COMMD1: variants seen among roughly 807,000 people sequenced by gnomAD.
COMMD1 encodes the protein copper metabolism domain containing 1.
Under a neutral mutation model 17.2 loss-of-function variants are expected in COMMD1, and 10 were observed. The observed-to-expected ratio is 0.58, with a 90% confidence interval of 0.36 to 0.99. COMMD1 has a LOEUF of 0.99. Among genes scored for constraint, COMMD1 ranks in the 50% least tolerant of loss-of-function variants. The probability of loss-of-function intolerance (pLI) is 0.01; values close to 1 mark genes in which losing one functional copy is unlikely to be tolerated. For synonymous variants in COMMD1, 97 were observed against 91.6 expected, an observed-to-expected ratio of 1.06 and a Z score of -0.34; for missense variants, 270 against 231.8, an observed-to-expected ratio of 1.17 and a Z score of -1.07.
chr2:62,048,182 C>CTTTTTTTTT (rs67195629), intron 2 of COMMD1, among the ~76,000 whole-genome samples: 2 of 127,252 alleles, frequency 1.6e-5, no homozygotes, highest in African/African-American at 3.0e-5. Context: ...AACTAAATTT[C>CTTTTTTTTT]TTTTTTTTTT....
intron 1 of COMMD1, among the ~76,000 whole-genome samples, chr2:61,955,509 G>C (rs1671175422): frequency 6.6e-6 from 1 of 152,034 alleles, no homozygotes. Flanking sequence ...CCTTTTATTG[G>C]TTGTGCTTTC....
At position 61,905,846 on chromosome 2, in the gene COMMD1, G is replaced by A. The variant is rs139710493; in HGVS notation, c.168G>A (p.Arg56=). The A allele has an allele frequency of 5.6e-5, 90 of 1,614,076 alleles. No individual in the cohort carries two copies. In the African/African-American group the frequency reaches 1.1e-3, roughly 19 times the overall value. ...EEFRPFLAKM[R]GILKSIASAD... is the part of the protein sequence containing the mutation. ...TCCGCCCCTTTCTGGCAAAGATGAGGGGGATTCTTAAGGTACTGCTCTTTT... is the reference window on the plus strand; with the variant it reads ...TCCGCCCCTTTCTGGCAAAGATGAGAGGGATTCTTAAGGTACTGCTCTTTT... Residue 56 remains arginine (R), a synonymous_variant, in exon 1 of 3, where the codon AGG becomes AGA. Coordinates refer to ENST00000311832, the MANE Select transcript of COMMD1 (RefSeq NM_152516.4).
At chr2:62,053,045 A>T (rs984183754) in intron 2 of COMMD1, among the ~76,000 whole-genome samples, 8 of 152,138 alleles carry the variant, frequency 5.3e-5, no homozygotes, top group African/African-American at 1.9e-4. Context: ...ACACCACTGC[A>T]CTCCAGCCTA....
intron 1 of COMMD1, among the ~76,000 whole-genome samples, chr2:61,963,570 C>G (rs1281626665): frequency 2.0e-5 from 3 of 152,128 alleles, no homozygotes; most frequent in Non-Finnish European, 2.9e-5. Context: ...TCTTGAACTC[C>G]TGACCTCAGG....
chr2:62,045,632 C>A (rs1236449948), intron 2 of COMMD1, among the ~76,000 whole-genome samples: 1 of 148,020 alleles, frequency 6.8e-6, no homozygotes, highest in Non-Finnish European at 1.5e-5. Flanking sequence ...AAACTCCCGA[C>A]CTCAAGGGAT....
At chr2:61,911,927 T>A (rs545655982) in intron 1 of COMMD1, among the ~76,000 whole-genome samples, 3 of 152,314 alleles carry the variant, frequency 2.0e-5, no homozygotes, top group Admixed American at 6.5e-5. Flanking sequence ...TATTTAATCA[T>A]GTGAAGTGTT....
chr2:61,997,893 C>G (rs1668808910), intron 1 of COMMD1, among the ~76,000 whole-genome samples: 1 of 152,164 alleles, frequency 6.6e-6, no homozygotes, highest in Non-Finnish European at 1.5e-5. Context: ...GTATCTTTTT[C>G]CGATATATGG....
At chr2:62,132,559 T>C (rs533341702) in intron 2 of COMMD1, among the ~76,000 whole-genome samples, 76 of 152,208 alleles carry the variant, frequency 5.0e-4, no homozygotes, top group African/African-American at 1.8e-3. Flanking sequence ...TTAAAAATTG[T>C]TTTAGGTCAG....
At chr2:62,131,879 AACAC>A (rs749225382) in intron 2 of COMMD1, among the ~76,000 whole-genome samples, 1 of 139,498 alleles carries the variant, frequency 7.2e-6, no homozygotes, top group Non-Finnish European at 1.5e-5. Context: ...CACACACACA[AACAC>A]ACACACACAC....
Position 61,967,232 on chromosome 2 carries a change from C to T in COMMD1, c.181-33469C>T, listed in dbSNP as rs1425094938. ...GTGCTTCTTACATTTAAGAAGCAGT[C>T]TGTTGAGGACCAGTTTTGTTTTTTA... On this transcript the variant is annotated intron_variant, in intron 1 of 2. Coordinates refer to ENST00000311832, the MANE Select transcript of COMMD1 (RefSeq NM_152516.4). Among the ~76,000 whole-genome samples the T allele has an allele frequency of 2.0e-5, 3 of 152,158 alleles. No individual in the cohort carries two copies. In the South Asian group the frequency reaches 6.2e-4, roughly 31 times the overall value.
At chr2:61,968,922 T>A (rs1671573293) in intron 1 of COMMD1, 2 of 277,104 alleles carry the variant, frequency 7.2e-6, no homozygotes, top group Non-Finnish European at 1.5e-5. Flanking sequence ...CGAAACCAGT[T>A]TCAAGGGAAA....
intron 2 of COMMD1, among the ~76,000 whole-genome samples, chr2:62,058,066 A>G (rs990581040): frequency 6.6e-6 from 1 of 152,166 alleles, no homozygotes; most frequent in African/African-American, 2.4e-5. Context: ...CATTATGCTC[A>G]GAGAACATAC....
intron 1 of COMMD1, among the ~76,000 whole-genome samples, chr2:61,944,394 TGAGCCATGATGGTGTCAGAG>T (rs1208791336): frequency 6.6e-6 from 1 of 151,754 alleles, no homozygotes; most frequent in Non-Finnish European, 1.5e-5. Flanking sequence ...GAGACTGCAG[TGAGCCATGATGGTGTCAGAG>T]GACTCCAGCC....
At chr2:62,073,136 C>A (rs1671245043) in intron 2 of COMMD1, among the ~76,000 whole-genome samples, 1 of 152,212 alleles carries the variant, frequency 6.6e-6, no homozygotes. Context: ...CAGTATATTT[C>A]TTTGACGTAT....
intron 1 of COMMD1, among the ~76,000 whole-genome samples, chr2:61,987,217 G>A (rs533804442): frequency 1.7e-4 from 26 of 152,148 alleles, no homozygotes; most frequent in Non-Finnish European, 2.4e-4. Context: ...GGGAGCTCAC[G>A]TTTTCCTGGA....
intron 1 of COMMD1, among the ~76,000 whole-genome samples, chr2:61,941,397 A>T (rs1435816202): frequency 6.6e-6 from 1 of 152,204 alleles, no homozygotes; most frequent in East Asian, 1.9e-4. Context: ...TTCTCAGGCA[A>T]TTATATGATT....
intron 1 of COMMD1, among the ~76,000 whole-genome samples, chr2:61,987,547 C>G (rs986935322): frequency 1.1e-4 from 17 of 152,180 alleles, no homozygotes; most frequent in African/African-American, 3.9e-4. Flanking sequence ...GAGTCACTTT[C>G]TCTGTGCTGG....
intron 1 of COMMD1, among the ~76,000 whole-genome samples, chr2:61,911,209 C>T (rs1572953019): frequency 6.6e-6 from 1 of 151,770 alleles, no homozygotes; most frequent in African/African-American, 2.4e-5. Context: ...CTCAGTGGCT[C>T]ACGCCTGTAA....
At chr2:62,047,992 G>T (rs1274894721) in intron 2 of COMMD1, among the ~76,000 whole-genome samples, 1 of 152,014 alleles carries the variant, frequency 6.6e-6, no homozygotes, top group African/African-American at 2.4e-5. Flanking sequence ...CTAGGTTTGT[G>T]TAAATACACT....
Sources: allele counts gnomAD v4.1 joint callset (sites outside exome capture counted in the v4.1 genomes callset), GRCh38; gene constraint gnomAD v4.1.1; transcripts MANE v1.5; gene names NCBI Gene and HGNC (gene_info 2026-07-23, HGNC 2026-07-21).